Variants in RNF217 observed in about 807,000 individuals in gnomAD.
RNF217 encodes E3 ubiquitin-protein ligase RNF217.
Under a neutral mutation model 57.8 loss-of-function variants are expected in RNF217, and 31 were observed. The observed-to-expected ratio is 0.54, with a 90% CI of 0.40 to 0.72. The LOEUF (loss-of-function observed/expected upper bound fraction) is 0.72. Among genes scored for constraint, RNF217 ranks in the 30% least tolerant of loss-of-function variants. RNF217 has a pLI of 0.00. For synonymous variants in RNF217, 313 were observed against 294.0 expected (o/e 1.06, Z -0.66); for missense variants, 696 against 708.3 (o/e 0.98, Z 0.20).
Position 125,071,484 on chromosome 6 carries a change from ATGTGTGTGTGTGTGTGTGTGTGTGTGTG to A in RNF217, c.1282-5147_1282-5120del, listed in dbSNP as rs61496685. 1.5e-4 allele frequency among the ~76,000 whole-genome samples: 21 copies of A among 136,840 alleles called. No homozygotes were observed. The East Asian group carries it at 3.0e-3, about 19-fold the overall frequency. 89.8% of individuals were successfully genotyped at this position (136,840 alleles called of 152,430 possible). ...TTCAACTTGGAGCATCTGCCTACAT[ATGTGTGTGTGTGTGTGTGTGTGTGTGTG>A]TGTGTGTGTGTGTGTGTGTGTGTGT... On this transcript the variant is annotated intron_variant, in intron 3 of 5. Transcript: ENST00000521654.
chr6:125,056,327 C>T (rs1479494288), intron 2 of RNF217, among the ~76,000 whole-genome samples: 1 of 152,076 alleles, frequency 6.6e-6, no homozygotes, highest in African/African-American at 2.4e-5. Context: ...TTCATATCTA[C>T]CTTCCAGCAT....
At chr6:125,080,381 A>G (rs1788528280) in intron 4 of RNF217, among the ~76,000 whole-genome samples, 1 of 152,180 alleles carries the variant, frequency 6.6e-6, no homozygotes, top group Admixed American at 6.6e-5. Flanking sequence ...TCATTTCTTA[A>G]GAATAAAAAA....
intron 1 of RNF217, among the ~76,000 whole-genome samples, chr6:125,040,531 T>A (rs1786838156): frequency 6.6e-6 from 1 of 152,134 alleles, no homozygotes. Context: ...CTAATATCAT[T>A]CCTTCTGAAA....
At chr6:125,052,281 G>A (rs1018337569) in intron 2 of RNF217, among the ~76,000 whole-genome samples, 4 of 119,434 alleles carry the variant, frequency 3.3e-5, no homozygotes, top group Middle Eastern at 4.0e-3. Context: ...CTTGTCATGC[G>A]TTTTGTGTGT....
intron 2 of RNF217, among the ~76,000 whole-genome samples, chr6:125,050,291 A>C (rs1210950298): frequency 1.3e-5 from 2 of 151,948 alleles, no homozygotes; most frequent in African/African-American, 4.8e-5. Flanking sequence ...GGTTTTCTTC[A>C]GACAAGACTA....
rs1788683423 is a variant in RNF217, at chr6:125,083,673, T to G, written c.*736T>G. 2.0e-5 allele frequency: 3 copies of G among 152,080 alleles called. No homozygotes were observed. Among genetic ancestry groups the G allele is most frequent in the African/African-American group, 7.2e-5 (3 of 41,424 alleles). 9.4% of individuals were successfully genotyped at this position (152,080 alleles called of 1,614,324 possible). ...CTATTGAAAGATGATGGCTCCTTTGTGGACATAATTTAGCAATGTATTAAA... is the reference window on the plus strand; with the variant it reads ...CTATTGAAAGATGATGGCTCCTTTGGGGACATAATTTAGCAATGTATTAAA... On this transcript the variant is annotated 3_prime_UTR_variant, in exon 6 of 6. Coordinates refer to ENST00000521654, the MANE Select transcript of RNF217 (RefSeq NM_001286398.3).
At position 124,963,197 on chromosome 6, in the gene RNF217, C is replaced by T. The variant is rs1459620144; in HGVS notation, c.653C>T (p.Pro218Leu). 2.0e-6 allele frequency: 3 copies of T among 1,535,980 alleles called. No individual in the cohort carries two copies. In the African/African-American group the frequency reaches 4.1e-5, roughly 21 times the overall value. ...RLSLPTDSLS[P>L]DGGSIELEFY... ...TCCCTCCCAACGGATTCCCTCTCCC[C>T]CGACGGCGGCAGCATCGAGCTGGAG... Residue 218 changes from proline (P) to leucine (L), a missense_variant, in exon 1 of 6, where the codon CCC becomes CTC. Transcript: ENST00000521654.
chr6:125,077,260 G>A lies in RNF217; in HGVS notation c.1483+402G>A, dbSNP rs902887057. On this transcript the variant is annotated intron_variant, in intron 4 of 5. Coordinates refer to ENST00000521654, the MANE Select transcript of RNF217 (RefSeq NM_001286398.3). ...CCTGCAATACAGTACAGCATGGAGCGTAGCCTAGGAAGGCAGGGGAAAAAA... is the reference window on the plus strand; with the variant it reads ...CCTGCAATACAGTACAGCATGGAGCATAGCCTAGGAAGGCAGGGGAAAAAA... 1.7e-4 allele frequency among the ~76,000 whole-genome samples: 26 copies of A among 152,054 alleles called. 1 individual carries two copies. The highest frequency in any genetic ancestry group is 3.6e-4 in the African/African-American group (15 of 41,428).
At chr6:124,982,959 C>T (rs1784231004) in intron 1 of RNF217, among the ~76,000 whole-genome samples, 1 of 152,100 alleles carries the variant, frequency 6.6e-6, no homozygotes, top group Admixed American at 6.5e-5. Context: ...AGCAGGTTTG[C>T]TGCTGGTTCA....
intron 2 of RNF217, 134 bp downstream of exon 2, chr6:125,045,578 C>A: frequency 1.6e-6 from 1 of 639,926 alleles, no homozygotes. Flanking sequence ...GGCCATCATT[C>A]TGAAAGCATA....
intron 1 of RNF217, among the ~76,000 whole-genome samples, chr6:124,969,591 A>G (rs1783685038): frequency 6.6e-6 from 1 of 152,206 alleles, no homozygotes; most frequent in Admixed American, 6.5e-5. Flanking sequence ...TTGGACATCT[A>G]TCTTGTAAAC....
In RNF217 at chr6:125,084,498, A is replaced by G. The variant is rs1364574584; in HGVS notation, c.*1561A>G. ...TGTCTTAGATGTACATTTATTTGTC[A>G]GCAACCTTGTCTGATTTGAAATAGA... On this transcript the variant is annotated 3_prime_UTR_variant, in exon 6 of 6. Coordinates refer to ENST00000521654, the MANE Select transcript of RNF217 (RefSeq NM_001286398.3). The G allele has an allele frequency of 6.6e-6, 1 of 152,042 alleles. No homozygotes were observed. The highest frequency in any genetic ancestry group is 1.5e-5 in the Non-Finnish European group (1 of 67,924). 9.4% of individuals were successfully genotyped at this position (152,042 alleles called of 1,614,324 possible). A position where few individuals can be genotyped will look rare whatever the true frequency, so the allele number is the denominator to read the frequency against.
At chr6:125,080,769 C>G (rs994109909) in intron 4 of RNF217, among the ~76,000 whole-genome samples, 3 of 152,108 alleles carry the variant, frequency 2.0e-5, no homozygotes, top group African/African-American at 7.2e-5. Context: ...GCTGATACCA[C>G]TTGACATCCT....
intron 2 of RNF217, among the ~76,000 whole-genome samples, chr6:125,047,517 A>G (rs1208853020): frequency 6.6e-6 from 1 of 152,050 alleles, no homozygotes; most frequent in African/African-American, 2.4e-5. Flanking sequence ...GGCTTCTCCA[A>G]TGTCTATCAA....
intron 2 of RNF217, among the ~76,000 whole-genome samples, chr6:125,048,674 T>C (rs1421128047): frequency 6.6e-6 from 1 of 152,058 alleles, no homozygotes; most frequent in East Asian, 1.9e-4. Context: ...CACATGAAGT[T>C]TGAGACCTAA....
chr6:124,975,811 G>A (rs1361660789), intron 1 of RNF217, among the ~76,000 whole-genome samples: 1 of 152,068 alleles, frequency 6.6e-6, no homozygotes, highest in Non-Finnish European at 1.5e-5. Context: ...GCTCTTGGTG[G>A]AAAACAATAG....
chr6:124,964,072 A>T (rs1436287009), intron 1 of RNF217, among the ~76,000 whole-genome samples: 1 of 152,252 alleles, frequency 6.6e-6, no homozygotes, highest in Non-Finnish European at 1.5e-5. Flanking sequence ...TCTCAGAACA[A>T]GCACTGGTGA....
Position 125,090,062 on chromosome 6 carries a change from C to G in RNF217, c.*7125C>G, listed in dbSNP as rs918279327. On this transcript the variant is annotated 3_prime_UTR_variant, in exon 6 of 6. Coordinates refer to ENST00000521654, the MANE Select transcript of RNF217 (RefSeq NM_001286398.3). ...TTTTAAGTGTCATATGGCAACTCCT[C>G]AATAGCTTACTTTTATTATTTGATC... The G allele has an allele frequency of 6.6e-6, 1 of 152,020 alleles. No individual in the cohort carries two copies. The highest frequency in any genetic ancestry group is 1.5e-5 in the Non-Finnish European group (1 of 67,992). 9.4% of individuals were successfully genotyped at this position (152,020 alleles called of 1,614,324 possible).
At chr6:124,972,630 G>A (rs974090125) in intron 1 of RNF217, among the ~76,000 whole-genome samples, 3 of 152,074 alleles carry the variant, frequency 2.0e-5, no homozygotes. Flanking sequence ...AATGCTCCGT[G>A]ACTCTGAATT....
Sources: allele counts gnomAD v4.1 joint callset (sites outside exome capture counted in the v4.1 genomes callset), GRCh38; gene constraint gnomAD v4.1.1; transcripts MANE v1.5; gene names NCBI Gene and HGNC (gene_info 2026-07-23, HGNC 2026-07-21).